The following PCDHGA12 variants were observed in gnomAD, a reference collection of about 807,000 sequenced individuals.
PCDHGA12 encodes the protein protocadherin gamma subfamily A, 12.
PCDHGA12 carries 43 observed loss-of-function variants against 61.1 expected under a neutral mutation model. That is an observed-to-expected ratio of 0.70 (90% CI 0.55 to 0.91). PCDHGA12 has a LOEUF of 0.91. PCDHGA12 is among the 40% of genes least tolerant of loss of function. The pLI is 0.00. For synonymous variants in PCDHGA12, 520 were observed against 542.9 expected (o/e 0.96, Z 0.59); for missense variants, 1,236 against 1,227.7 (o/e 1.01, Z -0.10).
In PCDHGA12 at chr5:141,432,571, G is replaced by A. The variant is rs776214748; in HGVS notation, c.1812G>A (p.Leu604=). Residue 604 remains leucine (L), a synonymous_variant, in exon 1 of 4, where the codon CTG becomes CTA. Coordinates refer to ENST00000252085, the MANE Select transcript of PCDHGA12 (RefSeq NM_003735.3). The surrounding 1 kb of genome is among the most constrained non-coding windows in gnomAD (Gnocchi z 6.0). ...GAGACTCCGGCCAGAACGCCTGGCT[G>A]TCCTACCGTCTGCTCAAGGCCAGCG... is the stretch of plus-strand genomic sequence containing the variant. The part of the protein sequence containing the change: ...VDRDSGQNAW[L]SYRLLKASEP... 1.2e-6 allele frequency: 2 copies of A among 1,613,954 alleles called. No homozygotes were observed. Among genetic ancestry groups the A allele is most frequent in the South Asian group, 1.1e-5 (1 of 91,068 alleles).
chr5:141,495,853 C>T (rs1254274145), intron 2 of PCDHGA12, among the ~76,000 whole-genome samples: 1 of 152,136 alleles, frequency 6.6e-6, no homozygotes, highest in African/African-American at 2.4e-5. Context: ...TTCTCTGTCT[C>T]TCACTATTTC....
rs537087639 is a variant in PCDHGA12 at position 141,510,502 on chromosome 5, G to A, written c.2573-445G>A. 3.3e-5 allele frequency among the ~76,000 whole-genome samples: 5 copies of A among 152,296 alleles called. No homozygotes were observed. The South Asian group carries it at 6.2e-4, about 19-fold the overall frequency. ...CTTGAGAAAGCCAGGGCAAGGAACTGAGAGCCCGTGTCACAGCCCTGAGAG... is the reference window on the plus strand; with the variant it reads ...CTTGAGAAAGCCAGGGCAAGGAACTAAGAGCCCGTGTCACAGCCCTGAGAG... On this transcript the variant is annotated intron_variant, in intron 3 of 3. Coordinates refer to ENST00000252085, the MANE Select transcript of PCDHGA12 (RefSeq NM_003735.3).
intron 1 of PCDHGA12, among the ~76,000 whole-genome samples, chr5:141,443,765 A>G (rs577762947): frequency 6.6e-6 from 1 of 152,340 alleles, no homozygotes; most frequent in East Asian, 1.9e-4. Context: ...TACAATATAC[A>G]ATATTACCAA....
At chr5:141,510,134 C>T (rs1273076437) in intron 3 of PCDHGA12, among the ~76,000 whole-genome samples, 1 of 152,064 alleles carries the variant, frequency 6.6e-6, no homozygotes, top group East Asian at 1.9e-4. Context: ...ATTAGCTGGG[C>T]TAGTGGTGTG....
At chr5:141,467,285 T>G (rs6870144) in intron 1 of PCDHGA12, among the ~76,000 whole-genome samples, 42,564 of 152,010 alleles carry the variant, frequency 0.28, 6,785 homozygotes, top group African/African-American at 0.45. Context: ...ACTCTTGACC[T>G]CAAGTGATCC....
At chr5:141,509,153 C>G (rs2099875485) in intron 3 of PCDHGA12, among the ~76,000 whole-genome samples, 2 of 152,190 alleles carry the variant, frequency 1.3e-5, no homozygotes, top group Non-Finnish European at 2.9e-5. Context: ...CGGCTCTCCC[C>G]TCCCGTGTGC....
At chr5:141,501,718 A>G (rs914077060) in intron 2 of PCDHGA12, among the ~76,000 whole-genome samples, 1 of 152,152 alleles carries the variant, frequency 6.6e-6, no homozygotes, top group Non-Finnish European at 1.5e-5. Flanking sequence ...AAAAAGACAA[A>G]TATATTACCC....
chr5:141,450,010 T>A (rs2098664468), intron 1 of PCDHGA12, among the ~76,000 whole-genome samples: 1 of 135,330 alleles, frequency 7.4e-6, no homozygotes, highest in African/African-American at 3.3e-5. Flanking sequence ...ATGTCTCTTT[T>A]TTTTTTTTTT....
intron 1 of PCDHGA12, chr5:141,441,662 C>T: frequency 3.8e-6 from 1 of 260,740 alleles, no homozygotes; most frequent in Non-Finnish European, 7.7e-6. Flanking sequence ...TGTCCTTGAG[C>T]GCACAGTGCG....
At chr5:141,494,223 C>T (rs1435042163) in intron 1 of PCDHGA12, among the ~76,000 whole-genome samples, 2 of 152,192 alleles carry the variant, frequency 1.3e-5, no homozygotes, top group African/African-American at 4.8e-5. Context: ...TGGCATGACT[C>T]CTAAATTAAT....
intron 1 of PCDHGA12, chr5:141,442,490 T>C (rs2098328971): frequency 6.6e-6 from 1 of 152,222 alleles, no homozygotes; most frequent in South Asian, 2.1e-4. Flanking sequence ...AAGGGGATGA[T>C]TGTGATTATT....
At chr5:141,450,829 ATT>A (rs373424450) in intron 1 of PCDHGA12, among the ~76,000 whole-genome samples, 3 of 135,116 alleles carry the variant, frequency 2.2e-5, no homozygotes, top group African/African-American at 2.7e-5. Flanking sequence ...TATTATTATT[ATT>A]TTTTTTTTTT....
Position 141,433,115 on chromosome 5 carries a change from G to T in PCDHGA12, c.2356G>T (p.Glu786Ter). The change falls in exon 1 of 4, where the codon GAA (glutamate) becomes TAA (stop). Residue 786 changes from glutamate to a stop codon, truncating the protein, a stop_gained. Coordinates refer to ENST00000252085, the MANE Select transcript of PCDHGA12 (RefSeq NM_003735.3). LOFTEE classifies it high-confidence loss of function. ...CATGCTCGTCAGCCAGGAGAGCTTT[G>T]AAAAAAGCGAGCCCCTTTTGCTGTC... ...ADMLVSQESF[E>*]KSEPLLLSGD... is the part of the protein sequence containing the mutation. 6.2e-7 allele frequency: 1 copy of T among 1,613,762 alleles called. No homozygotes were observed. The highest frequency in any genetic ancestry group is 8.5e-7 in the Non-Finnish European group (1 of 1,179,910).
chr5:141,448,928 G>C (rs2098617520), intron 1 of PCDHGA12, among the ~76,000 whole-genome samples: 1 of 152,166 alleles, frequency 6.6e-6, no homozygotes, highest in Non-Finnish European at 1.5e-5. Context: ...CTGGGCGACA[G>C]AGCAAGACTG....
Position 141,486,271 on chromosome 5 carries a change from C to G in PCDHGA12, c.2425-8536C>G, listed in dbSNP as rs143039217. ...CCCTCCCCGAGAGTGCAGAACCTGG[C>G]ACTGTGGTGGCACTTATCAGTGTGC... On this transcript the variant is annotated intron_variant, in intron 1 of 3. Coordinates refer to ENST00000252085, the MANE Select transcript of PCDHGA12 (RefSeq NM_003735.3). The surrounding 1 kb of genome is among the most constrained non-coding windows in gnomAD (Gnocchi z 5.0). 6.2e-7 allele frequency: 1 copy of G among 1,613,968 alleles called. No homozygotes were observed. Among genetic ancestry groups the G allele is most frequent in the African/African-American group, 1.3e-5 (1 of 74,902 alleles).
Position 141,432,599 on chromosome 5 carries a change from C to T in PCDHGA12, c.1840C>T (p.Pro614Ser). 2.5e-6 allele frequency: 4 copies of T among 1,613,908 alleles called. No individual in the cohort carries two copies. The highest frequency in any genetic ancestry group is 2.7e-5 in the African/African-American group (2 of 75,052). The change falls in exon 1 of 4, where the codon CCG becomes TCG. Residue 614 changes from proline (P) to serine (S), a missense_variant. By Grantham distance (74) the Pro-to-Ser change is moderately conservative. Coordinates refer to ENST00000252085, the MANE Select transcript of PCDHGA12 (RefSeq NM_003735.3). The surrounding 1 kb of genome is among the most constrained non-coding windows in gnomAD (Gnocchi z 6.0). ...LSYRLLKASE[P>S]GLFSVGLHTG... Reference sequence around the variant, plus strand: ...CTACCGTCTGCTCAAGGCCAGCGAGCCGGGACTCTTCTCGGTGGGTCTGCA... The same window carrying T: ...CTACCGTCTGCTCAAGGCCAGCGAGTCGGGACTCTTCTCGGTGGGTCTGCA...
intron 1 of PCDHGA12, among the ~76,000 whole-genome samples, chr5:141,466,008 G>C (rs1298363274): frequency 6.6e-6 from 1 of 151,970 alleles, no homozygotes; most frequent in Non-Finnish European, 1.5e-5. Flanking sequence ...TGTAGTCCCA[G>C]CTACTCGGGA....
chr5:141,481,181 G>C (rs1364223040), intron 1 of PCDHGA12, among the ~76,000 whole-genome samples: 1 of 152,154 alleles, frequency 6.6e-6, no homozygotes, highest in Non-Finnish European at 1.5e-5. Context: ...CAGCTTTATT[G>C]GGCCAGGCCC....
intron 1 of PCDHGA12, among the ~76,000 whole-genome samples, chr5:141,479,138 T>G (rs1469363480): frequency 6.6e-6 from 1 of 152,232 alleles, no homozygotes; most frequent in Non-Finnish European, 1.5e-5. Flanking sequence ...GCACCCTGCT[T>G]ACAAAATATT....
Sources: allele counts gnomAD v4.1 joint callset (sites outside exome capture counted in the v4.1 genomes callset), GRCh38; gene constraint gnomAD v4.1.1; non-coding constraint Gnocchi (gnomAD v3.1); transcripts MANE v1.5; gene names NCBI Gene and HGNC (gene_info 2026-07-23, HGNC 2026-07-21).